The following C12orf42 variants were observed in gnomAD, a reference collection of about 807,000 sequenced individuals.
C12orf42 encodes the protein uncharacterized protein C12orf42.
Under a neutral mutation model 21.6 loss-of-function variants are expected in C12orf42, and 25 were observed. The observed-to-expected ratio is 1.16, with a 90% confidence interval of 0.84 to 1.62. The LOEUF (loss-of-function observed/expected upper bound fraction) is 1.62, where lower values mean the gene tolerates loss of function less well. C12orf42 is among the 40% of genes most tolerant of loss of function. The probability of loss-of-function intolerance (pLI) is 0.00; values close to 1 mark genes in which losing one functional copy is unlikely to be tolerated. For missense variants in C12orf42, 483 were observed against 459.3 expected (o/e 1.05, Z -0.47); for synonymous variants, 174 against 175.0 (o/e 0.99, Z 0.05).
the C12orf42 span, among the ~76,000 whole-genome samples, chr12:103,174,521 C>T: frequency 6.6e-6 from 1 of 151,394 alleles, no homozygotes; most frequent in African/African-American, 2.4e-5. Flanking sequence ...AGTATATTGC[C>T]CCAGGTCACA....
intron 4 of C12orf42, among the ~76,000 whole-genome samples, chr12:103,337,407 C>G (rs1219716947): frequency 4.6e-5 from 7 of 152,134 alleles, no homozygotes; most frequent in African/African-American, 1.4e-4. Context: ...CTGGAGTGCA[C>G]TGGCGCAATC....
chr12:103,061,718 T>C, the C12orf42 span, among the ~76,000 whole-genome samples: 1 of 152,018 alleles, frequency 6.6e-6, no homozygotes, highest in Non-Finnish European at 1.5e-5. Context: ...TGTTTACATA[T>C]ATGTCTTTTT....
At chr12:103,074,740 G>A in the C12orf42 span, among the ~76,000 whole-genome samples, 1 of 152,064 alleles carries the variant, frequency 6.6e-6, no homozygotes, top group Admixed American at 6.5e-5. Flanking sequence ...CTAAAGTAAG[G>A]GGCTGGTTGC....
chr12:103,309,741 C>G (rs948677749), intron 4 of C12orf42, among the ~76,000 whole-genome samples: 3 of 152,188 alleles, frequency 2.0e-5, no homozygotes, highest in African/African-American at 7.2e-5. Context: ...TAGAAGCAAC[C>G]GTGCTGGACT....
At chr12:103,510,438 T>C in the C12orf42 span, among the ~76,000 whole-genome samples, 4 of 151,986 alleles carry the variant, frequency 2.6e-5, no homozygotes, top group East Asian at 7.7e-4. Flanking sequence ...CACACCAAAA[T>C]CTCACAAATC....
At chr12:103,378,291 T>C (rs532025427) in intron 3 of C12orf42, among the ~76,000 whole-genome samples, 7 of 152,346 alleles carry the variant, frequency 4.6e-5, no homozygotes, top group African/African-American at 1.7e-4. Flanking sequence ...CTCACTCGTC[T>C]ACACTGTCTA....
the C12orf42 span, among the ~76,000 whole-genome samples, chr12:103,511,787 A>G: frequency 6.6e-6 from 1 of 152,236 alleles, no homozygotes; most frequent in Non-Finnish European, 1.5e-5. Context: ...TATTCTTTAA[A>G]TATTTAAAAT....
the C12orf42 span, among the ~76,000 whole-genome samples, chr12:103,165,625 T>A: frequency 9.8e-5 from 15 of 152,332 alleles, no homozygotes; most frequent in South Asian, 1.2e-3. Context: ...TCACACAGGT[T>A]AGTCTTTTAA....
chr12:103,146,584 G>GAAAGAAAGAAAGAAAGAAAGAA, the C12orf42 span, among the ~76,000 whole-genome samples: 5 of 148,492 alleles, frequency 3.4e-5, no homozygotes, highest in African/African-American at 1.2e-4. Context: ...AAGAAAGAAA[G>GAAAGAAAGAAAGAAAGAAAGAA]AAAGAAAGAA....
At chr12:103,281,915 AAAAGAAAGAAAGAAAGAAAGAAAGAAAG>A (rs3063699) in intron 4 of C12orf42, among the ~76,000 whole-genome samples, 1 of 141,828 alleles carries the variant, frequency 7.1e-6, no homozygotes, top group African/African-American at 2.7e-5. Context: ...AGAAGAAAGA[AAAAGAAAGAAAGAAAGAAAGAAAGAAAG>A]AAAGAAAGAA....
chr12:103,198,242 T>G, the C12orf42 span, among the ~76,000 whole-genome samples: 1 of 152,136 alleles, frequency 6.6e-6, no homozygotes, highest in Non-Finnish European at 1.5e-5. Context: ...TGGACAAGCA[T>G]GCACTAGCTT....
chr12:103,293,921 T>G (rs534414401), intron 4 of C12orf42, among the ~76,000 whole-genome samples: 2 of 152,192 alleles, frequency 1.3e-5, no homozygotes, highest in African/African-American at 2.4e-5. Flanking sequence ...CTAAATATCA[T>G]TGTGTCATTA....
chr12:103,404,981 A>G (rs981953201), intron 2 of C12orf42, among the ~76,000 whole-genome samples: 3 of 152,262 alleles, frequency 2.0e-5, no homozygotes, highest in African/African-American at 4.8e-5. Flanking sequence ...TGAATCCGCC[A>G]TCAGGTCCTT....
intron 2 of C12orf42, among the ~76,000 whole-genome samples, chr12:103,403,269 C>G (rs188403114): frequency 2.6e-5 from 4 of 151,486 alleles, no homozygotes; most frequent in Non-Finnish European, 5.9e-5. Context: ...CCAGCTGCTC[C>G]GGAGGCTGAG....
the C12orf42 span, among the ~76,000 whole-genome samples, chr12:103,544,172 C>T: frequency 1.1e-4 from 17 of 152,178 alleles, no homozygotes; most frequent in East Asian, 3.1e-3. Context: ...TGTGAGCCAC[C>T]GTGCCCGGCC....
At chr12:103,066,112 A>T in the C12orf42 span, among the ~76,000 whole-genome samples, 6 of 152,190 alleles carry the variant, frequency 3.9e-5, no homozygotes, top group Non-Finnish European at 5.9e-5. Context: ...TCTTCTGCAG[A>T]TAACTACTTT....
chr12:103,415,247 C>T (rs980678237), intron 2 of C12orf42, among the ~76,000 whole-genome samples: 7 of 152,172 alleles, frequency 4.6e-5, no homozygotes, highest in Admixed American at 2.0e-4. Context: ...TATATACACA[C>T]CCAACAGTGG....
At chr12:103,469,930 A>T (rs1953459035) in intron 2 of C12orf42, among the ~76,000 whole-genome samples, 1 of 152,250 alleles carries the variant, frequency 6.6e-6, no homozygotes. Context: ...TATATAGCTC[A>T]GTTTGCTCAT....
intron 2 of C12orf42, among the ~76,000 whole-genome samples, chr12:103,427,665 C>G (rs1045206749): frequency 2.0e-5 from 3 of 152,220 alleles, no homozygotes; most frequent in Non-Finnish European, 1.5e-5. Context: ...CCCAAATCAA[C>G]AGAATATACA....
Sources: allele counts gnomAD v4.1 joint callset (sites outside exome capture counted in the v4.1 genomes callset), GRCh38; gene constraint gnomAD v4.1.1; transcripts MANE v1.5; gene names NCBI Gene and HGNC (gene_info 2026-07-23, HGNC 2026-07-21).